The following RANBP2 variants were observed in gnomAD, a reference collection of about 807,000 sequenced individuals.
The protein encoded by RANBP2 is RAN binding protein 2.
RANBP2 carries 57 observed loss-of-function variants against 303.6 expected under a neutral mutation model. The ratio of observed to expected loss-of-function variants is 0.19; its 90% CI spans 0.15 to 0.23. The LOEUF is 0.23. Among genes scored for constraint, RANBP2 ranks in the 10% least tolerant of loss-of-function variants. The probability of loss-of-function intolerance (pLI) is 1.00; values close to 1 mark genes in which losing one functional copy is unlikely to be tolerated. For synonymous variants in RANBP2, 1,167 were observed against 1,301.5 expected (o/e 0.90, Z 2.23); for missense variants, 3,138 against 3,780.8 (o/e 0.83, Z 4.46).
the RANBP2 span, among the ~76,000 whole-genome samples, chr2:108,904,695 G>A: frequency 2.0e-5 from 3 of 152,164 alleles, no homozygotes; most frequent in Non-Finnish European, 4.4e-5. Flanking sequence ...ATTATGCTGA[G>A]TGAAAAAAGC....
the RANBP2 span, among the ~76,000 whole-genome samples, chr2:109,008,854 G>A: frequency 1.3e-5 from 2 of 149,548 alleles, no homozygotes; most frequent in African/African-American, 4.9e-5. Flanking sequence ...AGCCAAGATC[G>A]CACCACTGCA....
the RANBP2 span, among the ~76,000 whole-genome samples, chr2:109,104,120 C>T: frequency 2.8e-4 from 42 of 152,178 alleles, no homozygotes; most frequent in African/African-American, 9.9e-4. Flanking sequence ...AAAATTTTTC[C>T]CACAAGAGAC....
the RANBP2 span, among the ~76,000 whole-genome samples, chr2:109,442,395 A>C: frequency 6.6e-6 from 1 of 152,156 alleles, no homozygotes; most frequent in Non-Finnish European, 1.5e-5. Context: ...ATACCAGATG[A>C]AAATGAAGAT....
chr2:108,882,155 A>G, the RANBP2 span: 1 of 147,352 alleles, frequency 6.8e-6, no homozygotes, highest in African/African-American at 2.5e-5. Context: ...CCCTGTCTCA[A>G]AAAAAAAAAA....
At chr2:108,727,591 G>A (rs1694831115) in intron 1 of RANBP2, among the ~76,000 whole-genome samples, 1 of 147,368 alleles carries the variant, frequency 6.8e-6, no homozygotes, top group Non-Finnish European at 1.5e-5. Flanking sequence ...AACATACTCT[G>A]GTTGTATCAG....
chr2:109,432,428 C>T, the RANBP2 span: 2 of 1,570,324 alleles, frequency 1.3e-6, no homozygotes, highest in East Asian at 2.4e-5. Flanking sequence ...GACAACCTCC[C>T]CCCAGGAATG....
chr2:108,911,243 G>A, the RANBP2 span, among the ~76,000 whole-genome samples: 1 of 152,058 alleles, frequency 6.6e-6, no homozygotes, highest in African/African-American at 2.4e-5. Flanking sequence ...CGCTGGTTTT[G>A]GCTGCCAGAC....
chr2:109,298,856 C>G, the RANBP2 span, among the ~76,000 whole-genome samples: 4 of 152,224 alleles, frequency 2.6e-5, no homozygotes, highest in African/African-American at 9.6e-5. Context: ...CATCTATTCT[C>G]AAACAGTGAC....
the RANBP2 span, among the ~76,000 whole-genome samples, chr2:109,232,089 A>G: frequency 1.3e-5 from 2 of 152,350 alleles, no homozygotes; most frequent in East Asian, 1.9e-4. Flanking sequence ...CAATGCCGCT[A>G]CAAGTATTTA....
At position 108,764,040 on chromosome 2, in the gene RANBP2, T is replaced by C. The variant is rs141352171; in HGVS notation, c.3501T>C (p.Asp1167=). The C allele has an allele frequency of 2.4e-4, 380 of 1,614,072 alleles. 1 individual carries two copies. In the African/African-American group the frequency reaches 4.2e-3, roughly 18 times the overall value. The change falls in exon 20 of 29, where the codon GAT becomes GAC. Residue 1167 remains aspartate (D), a synonymous_variant. Transcript: ENST00000283195. ...DGGSAHGDDD[D]DGPHFEPVVP... ...GAAGTGCCCATGGGGATGATGATGA[T>C]GACGGTCCTCACTTTGAGCCTGTAG...
the RANBP2 span, among the ~76,000 whole-genome samples, chr2:109,338,888 T>C: frequency 6.6e-6 from 1 of 151,130 alleles, no homozygotes; most frequent in Admixed American, 6.6e-5. Flanking sequence ...TCCTAAGAGC[T>C]TACTGTTGAC....
the RANBP2 span, among the ~76,000 whole-genome samples, chr2:108,811,174 C>G: frequency 1.3e-5 from 2 of 149,100 alleles, no homozygotes; most frequent in African/African-American, 5.0e-5. Context: ...CTAACCCTGC[C>G]TTCCTTTTCT....
chr2:108,804,856 T>A, the RANBP2 span: 1 of 1,477,066 alleles, frequency 6.8e-7, no homozygotes. Context: ...TCCTTACAAG[T>A]TTTAGATGAG....
the RANBP2 span, among the ~76,000 whole-genome samples, chr2:108,865,037 A>T: frequency 1.3e-5 from 2 of 152,152 alleles, no homozygotes; most frequent in Non-Finnish European, 2.9e-5. Context: ...GCCTTCAGTT[A>T]CTGTTTCCCT....
the RANBP2 span, among the ~76,000 whole-genome samples, chr2:109,198,904 G>A: frequency 1.3e-5 from 2 of 152,220 alleles, no homozygotes. Flanking sequence ...GCAAATGTTT[G>A]CGTAGCTAAA....
chr2:109,169,791 T>C, the RANBP2 span, among the ~76,000 whole-genome samples: 189 of 151,644 alleles, frequency 1.2e-3, 1 homozygote, highest in Admixed American at 4.2e-3. Flanking sequence ...CAAAATCAAA[T>C]AGGCTGATAG....
At chr2:108,952,397 A>G in the RANBP2 span, among the ~76,000 whole-genome samples, 1 of 152,252 alleles carries the variant, frequency 6.6e-6, no homozygotes, top group Non-Finnish European at 1.5e-5. Flanking sequence ...CTGAATAATG[A>G]GGACATGATG....
the RANBP2 span, among the ~76,000 whole-genome samples, chr2:108,834,593 G>C: frequency 1.3e-5 from 2 of 152,146 alleles, no homozygotes; most frequent in Non-Finnish European, 2.9e-5. Context: ...TTTCATTGTG[G>C]TAAAATATGC....
In RANBP2 at chr2:108,765,012, A is replaced by G. The variant is rs370666741; in HGVS notation, c.4473A>G (p.Gln1491=). 26 of 1,613,934 alleles carry G rather than the reference A, an allele frequency of 1.6e-5. No individual in the cohort carries two copies. The highest frequency in any genetic ancestry group is 2.1e-5 in the Non-Finnish European group (25 of 1,179,970). Residue 1491 remains glutamine, a synonymous_variant, in exon 20 of 29, where the codon CAA becomes CAG. Coordinates refer to ENST00000283195, the MANE Select transcript of RANBP2 (RefSeq NM_006267.5). ...GQWDCSACLV[Q]NEGSSTKCAA... The stretch of plus-strand genomic sequence containing the variant: ...GGGATTGCAGTGCATGTTTGGTACA[A>G]AATGAGGGGAGCTCTACAAAATGTG...
Sources: allele counts gnomAD v4.1 joint callset (sites outside exome capture counted in the v4.1 genomes callset), GRCh38; gene constraint gnomAD v4.1.1; transcripts MANE v1.5; gene names NCBI Gene and HGNC (gene_info 2026-07-23, HGNC 2026-07-21).